Variants in LRBA observed in about 807,000 individuals in gnomAD.
LRBA encodes lipopolysaccharide-responsive and beige-like anchor protein.
A neutral mutation model predicts 330.0 loss-of-function variants in LRBA; 176 were observed. The ratio of observed to expected loss-of-function variants is 0.53; its 90% CI spans 0.47 to 0.60. LRBA has a LOEUF of 0.60. LRBA is among the 20% of genes least tolerant of loss of function. The probability of loss-of-function intolerance (pLI) is 0.00; values close to 1 mark genes in which losing one functional copy is unlikely to be tolerated. For synonymous variants in LRBA, 1,230 were observed against 1,193.0 expected, an observed-to-expected ratio of 1.03 and a Z score of -0.64; for missense variants, 3,259 against 3,444.8, an observed-to-expected ratio of 0.95 and a Z score of 1.35.
chr4:150,852,624 G>A lies in LRBA; in HGVS notation c.3086C>T (p.Pro1029Leu), dbSNP rs1750746159. Residue 1029 changes from proline (P) to leucine (L), a missense_variant, in exon 23 of 57, where the codon CCA becomes CTA. Physicochemically the swap from Pro to Leu is moderately conservative, Grantham distance 98. Transcript: ENST00000651943. ...TGTTTCTTCCAAAGTGCCTTCATCT[G>A]GTAACTCCTGATTTTCTTGCTCAGC... is the stretch of plus-strand genomic sequence containing the variant. ...MKAEQENQELPDEGTLEETLT... is the reference protein window; with the variant it reads ...MKAEQENQELLDEGTLEETLT... 1 of 1,613,962 alleles carries A rather than the reference G, an allele frequency of 6.2e-7. No homozygotes were observed. The highest frequency in any genetic ancestry group is 1.3e-5 in the African/African-American group (1 of 75,034).
chr4:150,290,682 G>A (rs1205501920), intron 53 of LRBA, among the ~76,000 whole-genome samples: 1 of 152,120 alleles, frequency 6.6e-6, no homozygotes, highest in Non-Finnish European at 1.5e-5. Flanking sequence ...TATGACTACT[G>A]ATGCAAATCC....
At chr4:150,381,048 T>G (rs538212571) in intron 47 of LRBA, among the ~76,000 whole-genome samples, 4 of 151,392 alleles carry the variant, frequency 2.6e-5, no homozygotes, top group Admixed American at 2.6e-4. Context: ...TAATATTCCT[T>G]AGGAAATAGT....
intron 42 of LRBA, among the ~76,000 whole-genome samples, chr4:150,483,823 T>C (rs1341437668): frequency 6.6e-6 from 1 of 152,144 alleles, no homozygotes; most frequent in African/African-American, 2.4e-5. Context: ...AACAGTTTTA[T>C]AGCTTTCAGT....
At chr4:150,597,961 A>G (rs561470082) in intron 38 of LRBA, among the ~76,000 whole-genome samples, 1 of 152,230 alleles carries the variant, frequency 6.6e-6, no homozygotes, top group East Asian at 1.9e-4. Flanking sequence ...ATCTGATGAC[A>G]TATTGTGGAC....
At chr4:150,411,107 T>G (rs959562954) in intron 47 of LRBA, among the ~76,000 whole-genome samples, 2 of 152,180 alleles carry the variant, frequency 1.3e-5, no homozygotes, top group Non-Finnish European at 2.9e-5. Context: ...TAAGACTGCT[T>G]TGGTTTTACC....
rs192841840 is a variant in LRBA at position 150,708,040 on chromosome 4, C to G, written c.5755-24323G>C. Among the ~76,000 whole-genome samples the G allele has an allele frequency of 4.1e-3, 629 of 151,914 alleles. 5 individuals are homozygous for G. Among genetic ancestry groups the G allele is most frequent in the Non-Finnish European group, 6.4e-3 (432 of 67,706 alleles). Reference sequence around the variant, plus strand: ...ACTCTTAACAATAAGCAGCCTATTTCATACTTAATGAGGGCCTGCAACTGA... The same window carrying G: ...ACTCTTAACAATAAGCAGCCTATTTGATACTTAATGAGGGCCTGCAACTGA... On this transcript the variant is annotated intron_variant, in intron 36 of 56. Coordinates refer to ENST00000651943, the MANE Select transcript of LRBA (RefSeq NM_001364905.1).
intron 47 of LRBA, among the ~76,000 whole-genome samples, chr4:150,407,923 T>C (rs951327786): frequency 1.3e-5 from 2 of 151,714 alleles, no homozygotes; most frequent in Non-Finnish European, 2.9e-5. Context: ...AACGAGAAAA[T>C]TGTAATTGGA....
At chr4:150,941,397 C>CTCA in intron 2 of LRBA, among the ~76,000 whole-genome samples, 1 of 152,048 alleles carries the variant, frequency 6.6e-6, no homozygotes, top group Non-Finnish European at 1.5e-5. Flanking sequence ...GTGATCCACC[C>CTCA]ACCTTGGCCT....
intron 37 of LRBA, among the ~76,000 whole-genome samples, chr4:150,615,804 A>G (rs542065343): frequency 6.6e-6 from 1 of 152,146 alleles, no homozygotes; most frequent in African/African-American, 2.4e-5. Context: ...GTATGGCAAT[A>G]TGACTGAGTT....
intron 5 of LRBA, among the ~76,000 whole-genome samples, chr4:150,919,100 G>A (rs1732961577): frequency 6.6e-6 from 1 of 152,186 alleles, no homozygotes; most frequent in Admixed American, 6.5e-5. Flanking sequence ...GATACATGCT[G>A]TACCATGGAT....
chr4:150,543,934 C>T (rs1765578662), intron 40 of LRBA, among the ~76,000 whole-genome samples: 1 of 152,026 alleles, frequency 6.6e-6, no homozygotes, highest in African/African-American at 2.4e-5. Flanking sequence ...AAACACAGCA[C>T]TTTTAGAATA....
chr4:150,837,241 C>T (rs543588529), intron 28 of LRBA, among the ~76,000 whole-genome samples: 49 of 152,118 alleles, frequency 3.2e-4, no homozygotes, highest in Admixed American at 9.2e-4. Flanking sequence ...GGAATAAGTG[C>T]GACGTGGTGC....
At chr4:150,863,927 CTTTATTTA>C (rs763890369) in intron 22 of LRBA, among the ~76,000 whole-genome samples, 1 of 151,858 alleles carries the variant, frequency 6.6e-6, no homozygotes. Context: ...TCTCATGACA[CTTTATTTA>C]TTTATTTATT....
At chr4:150,443,872 ATTTTTT>A (rs61403112) in intron 44 of LRBA, among the ~76,000 whole-genome samples, 1,079 of 88,390 alleles carry the variant, frequency 0.012, 14 homozygotes, top group Middle Eastern at 0.024. Flanking sequence ...ATATATATAT[ATTTTTT>A]TTTTTTTTTT....
intron 40 of LRBA, among the ~76,000 whole-genome samples, chr4:150,578,490 C>T (rs1026250905): frequency 1.3e-5 from 2 of 151,870 alleles, no homozygotes; most frequent in Non-Finnish European, 2.9e-5. Flanking sequence ...ATAGGAAATT[C>T]CATTAATAAT....
chr4:150,471,028 G>A (rs947119245), intron 43 of LRBA, among the ~76,000 whole-genome samples: 1 of 151,994 alleles, frequency 6.6e-6, no homozygotes, highest in African/African-American at 2.4e-5. Flanking sequence ...ATGAACTGAC[G>A]CTAACTCTTC....
intron 48 of LRBA, among the ~76,000 whole-genome samples, chr4:150,341,896 T>C (rs1735628481): frequency 6.6e-6 from 1 of 151,664 alleles, no homozygotes; most frequent in Admixed American, 6.6e-5. Context: ...GGGTGAATTC[T>C]GGATAAGGAT....
chr4:150,733,316 C>A (rs1386212892), intron 36 of LRBA, among the ~76,000 whole-genome samples: 4 of 151,888 alleles, frequency 2.6e-5, no homozygotes, highest in African/African-American at 9.7e-5. Flanking sequence ...GATAACTGTA[C>A]CAGATTAAGA....
intron 2 of LRBA, among the ~76,000 whole-genome samples, chr4:151,009,258 T>C (rs1744522119): frequency 1.3e-5 from 2 of 151,458 alleles, no homozygotes; most frequent in Admixed American, 1.3e-4. Context: ...TTAAAGTATA[T>C]GGGAGAAAGC....
Sources: allele counts gnomAD v4.1 joint callset (sites outside exome capture counted in the v4.1 genomes callset), GRCh38; gene constraint gnomAD v4.1.1; transcripts MANE v1.5; gene names NCBI Gene and HGNC (gene_info 2026-07-23, HGNC 2026-07-21).